Variants in ASPH observed in about 807,000 individuals in gnomAD.
ASPH encodes the protein aspartyl/asparaginyl beta-hydroxylase.
ASPH carries 100 observed loss-of-function variants against 118.4 expected under a neutral mutation model. The observed-to-expected ratio is 0.84, with a 90% CI of 0.72 to 1.00. ASPH has a LOEUF of 1.00. Ranked by LOEUF, ASPH falls within the 50% of genes least tolerant of loss-of-function variation. The probability of loss-of-function intolerance (pLI) is 0.00; values close to 1 mark genes in which losing one functional copy is unlikely to be tolerated. For synonymous variants in ASPH, 315 were observed against 325.6 expected, an observed-to-expected ratio of 0.97 and a Z score of 0.35; for missense variants, 920 against 919.5, an observed-to-expected ratio of 1.00 and a Z score of -0.01.
At chr8:61,566,101 C>T (rs904069691) in intron 17 of ASPH, among the ~76,000 whole-genome samples, 1 of 152,166 alleles carries the variant, frequency 6.6e-6, no homozygotes, top group Non-Finnish European at 1.5e-5. Flanking sequence ...TGCCTGCTAA[C>T]ACAACATCCA....
At chr8:61,552,899 CTAAA>C in intron 20 of ASPH, 128 bp downstream of exon 20, 1 of 696,290 alleles carries the variant, frequency 1.4e-6, no homozygotes, top group Non-Finnish European at 2.4e-6. Context: ...GTTTAAGTAA[CTAAA>C]TAGTTTATAT....
chr8:61,540,756 C>CT (rs1446410627), intron 21 of ASPH, among the ~76,000 whole-genome samples: 1 of 152,124 alleles, frequency 6.6e-6, no homozygotes, highest in Non-Finnish European at 1.5e-5. Flanking sequence ...AAACTGCACT[C>CT]TATCTCTCAC....
chr8:61,522,510 A>G (rs1813495279), intron 22 of ASPH, among the ~76,000 whole-genome samples: 1 of 152,176 alleles, frequency 6.6e-6, no homozygotes, highest in Non-Finnish European at 1.5e-5. Flanking sequence ...CTTGAATTAT[A>G]GTTCCCATAA....
chr8:61,712,517 T>C (rs1047456838), intron 1 of ASPH, among the ~76,000 whole-genome samples: 2 of 152,228 alleles, frequency 1.3e-5, no homozygotes, highest in Non-Finnish European at 2.9e-5. Context: ...TTCCTCCCTT[T>C]TACATATTCT....
intron 14 of ASPH, among the ~76,000 whole-genome samples, chr8:61,613,397 A>ATCTATT (rs1339168548): frequency 2.0e-5 from 3 of 152,120 alleles, no homozygotes; most frequent in African/African-American, 7.2e-5. Flanking sequence ...ATAAATCTCT[A>ATCTATT]TCTATTTCTA....
intron 17 of ASPH, among the ~76,000 whole-genome samples, chr8:61,563,619 T>C (rs1830693514): frequency 1.3e-5 from 2 of 152,194 alleles, no homozygotes; most frequent in Non-Finnish European, 2.9e-5. Flanking sequence ...AAAGCAGCTG[T>C]ATATTCCACT....
At chr8:61,537,156 T>G (rs539455040) in intron 21 of ASPH, among the ~76,000 whole-genome samples, 13 of 152,216 alleles carry the variant, frequency 8.5e-5, no homozygotes, top group African/African-American at 2.9e-4. Flanking sequence ...GGGAAGCCAG[T>G]CCGCCCTATC....
At chr8:61,615,621 T>C (rs1848754414) in intron 14 of ASPH, among the ~76,000 whole-genome samples, 1 of 152,180 alleles carries the variant, frequency 6.6e-6, no homozygotes. Context: ...TAACAAGCCA[T>C]TTTTGTATTG....
chr8:61,554,386 C>T (rs1037134627), intron 19 of ASPH, among the ~76,000 whole-genome samples: 3 of 152,078 alleles, frequency 2.0e-5, no homozygotes, highest in African/African-American at 7.2e-5. Flanking sequence ...ATAAAACATG[C>T]AAGCTATTTG....
chr8:61,607,404 C>T (rs999116272), intron 14 of ASPH: 18 of 608,320 alleles, frequency 3.0e-5, no homozygotes, highest in South Asian at 2.4e-4. Context: ...TAAAAATGAA[C>T]TCAAAGGCAA....
At chr8:61,592,176 T>G (rs528928140) in intron 14 of ASPH, among the ~76,000 whole-genome samples, 2 of 152,322 alleles carry the variant, frequency 1.3e-5, no homozygotes, top group South Asian at 4.1e-4. Flanking sequence ...TCTGACCTCC[T>G]TCCTACTACA....
intron 13 of ASPH, chr8:61,625,489 G>C: frequency 1.0e-6 from 1 of 985,236 alleles, no homozygotes; most frequent in Non-Finnish European, 1.2e-6. Context: ...AGAGACTATA[G>C]CTATTATATG....
At chr8:61,527,857 T>C (rs993605734) in intron 21 of ASPH, among the ~76,000 whole-genome samples, 3 of 152,184 alleles carry the variant, frequency 2.0e-5, no homozygotes, top group Non-Finnish European at 2.9e-5. Flanking sequence ...GGTGGTCTTG[T>C]TGGTGGTCAG....
intron 18 of ASPH, among the ~76,000 whole-genome samples, chr8:61,556,645 T>C (rs1827979818): frequency 6.6e-6 from 1 of 152,230 alleles, no homozygotes; most frequent in African/African-American, 2.4e-5. Flanking sequence ...TATGCATTCA[T>C]TATGATTTAA....
At chr8:61,667,780 A>G (rs1279312094) in intron 3 of ASPH, among the ~76,000 whole-genome samples, 3 of 152,212 alleles carry the variant, frequency 2.0e-5, no homozygotes, top group Non-Finnish European at 4.4e-5. Flanking sequence ...TTTGAATCAC[A>G]CTAGCTTTCA....
chr8:61,679,883 A>G (rs894320737), intron 3 of ASPH, among the ~76,000 whole-genome samples: 8 of 151,316 alleles, frequency 5.3e-5, no homozygotes, highest in South Asian at 2.1e-4. Context: ...AGTTAAGACA[A>G]GAAAAGAAAT....
At chr8:61,637,471 C>T (rs895377221) in intron 12 of ASPH, among the ~76,000 whole-genome samples, 2 of 152,154 alleles carry the variant, frequency 1.3e-5, no homozygotes, top group African/African-American at 2.4e-5. Flanking sequence ...TATTGAAGCG[C>T]CACTGTTTAA....
chr8:61,639,451 C>A (rs1252824862), intron 10 of ASPH, among the ~76,000 whole-genome samples: 1 of 152,152 alleles, frequency 6.6e-6, no homozygotes, highest in African/African-American at 2.4e-5. Flanking sequence ...TTAGCAACAC[C>A]ATTCTTCTCC....
In ASPH at chr8:61,670,272, T is replaced by C. The variant is rs76170462; in HGVS notation, c.322+10696A>G. 5.1e-3 allele frequency among the ~76,000 whole-genome samples: 770 copies of C among 151,342 alleles called. 8 individuals are homozygous for C. Among genetic ancestry groups the C allele is most frequent in the African/African-American group, 0.018 (732 of 41,320 alleles). On this transcript the variant is annotated intron_variant, in intron 3 of 24. Coordinates refer to ENST00000379454, the MANE Select transcript of ASPH (RefSeq NM_004318.4). Reference sequence around the variant, plus strand: ...TCCCAGAACTTAAAATAAAATGAAATTAAATTTTTTAAAAAAGGAAATGTG... The same window carrying C: ...TCCCAGAACTTAAAATAAAATGAAACTAAATTTTTTAAAAAAGGAAATGTG...
Sources: allele counts gnomAD v4.1 joint callset (sites outside exome capture counted in the v4.1 genomes callset), GRCh38; gene constraint gnomAD v4.1.1; transcripts MANE v1.5; gene names NCBI Gene and HGNC (gene_info 2026-07-23, HGNC 2026-07-21).